The following SLC35F3 variants were observed in gnomAD, a reference collection of about 807,000 sequenced individuals.
The protein encoded by SLC35F3 is putative thiamine transporter SLC35F3.
Under a neutral mutation model 49.9 loss-of-function variants are expected in SLC35F3, and 25 were observed. The ratio of observed to expected loss-of-function variants is 0.50; its 90% CI spans 0.37 to 0.70. The LOEUF (loss-of-function observed/expected upper bound fraction) is 0.70. Ranked by LOEUF, SLC35F3 falls within the 30% of genes least tolerant of loss-of-function variation. The pLI, the probability that SLC35F3 is intolerant of heterozygous loss-of-function variation, is 0.00. For missense variants in SLC35F3, 525 were observed against 639.8 expected (o/e 0.82, Z 1.94); for synonymous variants, 275 against 265.4 (o/e 1.04, Z -0.35).
intron 2 of SLC35F3, among the ~76,000 whole-genome samples, chr1:233,915,192 A>T (rs555081167): frequency 6.6e-6 from 1 of 152,304 alleles, no homozygotes; most frequent in South Asian, 2.1e-4. Flanking sequence ...CCAGATCAGG[A>T]TCTATCAGGA....
At chr1:233,924,080 A>C (rs982712228) in intron 2 of SLC35F3, among the ~76,000 whole-genome samples, 52 of 152,328 alleles carry the variant, frequency 3.4e-4, no homozygotes, top group African/African-American at 1.0e-3. Flanking sequence ...ATCGTTGTTC[A>C]TCAGGAATAT....
intron 3 of SLC35F3, among the ~76,000 whole-genome samples, chr1:234,275,608 CACACACACACAAACAT>C (rs1449167029): frequency 1.3e-5 from 2 of 152,002 alleles, no homozygotes; most frequent in African/African-American, 4.8e-5. Flanking sequence ...GACAGACACA[CACACACACACAAACAT>C]ACACACACAA....
intron 3 of SLC35F3, among the ~76,000 whole-genome samples, chr1:234,296,128 G>A (rs993823719): frequency 4.6e-5 from 7 of 152,320 alleles, no homozygotes; most frequent in African/African-American, 1.7e-4. Flanking sequence ...GCTGAGCGCT[G>A]TTTCCCTCTG....
In SLC35F3 at chr1:234,261,254, A is replaced by G. The variant is rs185177626; in HGVS notation, c.608+29513A>G. Among the ~76,000 whole-genome samples the G allele has an allele frequency of 3.0e-3, 456 of 152,312 alleles. 3 individuals carry two copies. Among genetic ancestry groups the G allele is most frequent in the South Asian group, 5.2e-3 (25 of 4,826 alleles). ...AAGTTTATTAAGAAAGTAAAGGAAT[A>G]AAAGAACGGCCACTCCATAGGCAGA... On this transcript the variant is annotated intron_variant, in intron 3 of 7. Coordinates refer to ENST00000366618, the MANE Select transcript of SLC35F3 (RefSeq NM_173508.4).
At chr1:234,089,562 C>G (rs1665010192) in intron 2 of SLC35F3, among the ~76,000 whole-genome samples, 1 of 152,178 alleles carries the variant, frequency 6.6e-6, no homozygotes, top group African/African-American at 2.4e-5. Context: ...AGCTGCATTT[C>G]AGAAGGTTCG....
chr1:234,020,726 T>C (rs1234282953), intron 2 of SLC35F3, among the ~76,000 whole-genome samples: 1 of 152,174 alleles, frequency 6.6e-6, no homozygotes, highest in Non-Finnish European at 1.5e-5. Flanking sequence ...TATTTTTTTC[T>C]TCTGAATACA....
intron 4 of SLC35F3, among the ~76,000 whole-genome samples, chr1:234,310,140 A>T (rs999318728): frequency 3.3e-5 from 5 of 152,228 alleles, no homozygotes; most frequent in Non-Finnish European, 7.3e-5. Context: ...TGTGGCCAGG[A>T]GCTGTCACTG....
At chr1:233,979,072 A>G (rs1484735241) in intron 2 of SLC35F3, among the ~76,000 whole-genome samples, 3 of 151,832 alleles carry the variant, frequency 2.0e-5, no homozygotes, top group African/African-American at 7.3e-5. Flanking sequence ...AAAACAAAAC[A>G]AAAAAACAAA....
chr1:233,951,967 G>A (rs1662614691), intron 2 of SLC35F3, among the ~76,000 whole-genome samples: 2 of 151,398 alleles, frequency 1.3e-5, no homozygotes, highest in African/African-American at 4.9e-5. Flanking sequence ...ATATATGTTG[G>A]TTCTCCTTTG....
chr1:234,290,205 C>T (rs926459933), intron 3 of SLC35F3, among the ~76,000 whole-genome samples: 3 of 151,916 alleles, frequency 2.0e-5, no homozygotes, highest in Non-Finnish European at 4.4e-5. Flanking sequence ...TGACAAGACA[C>T]AATGGAATGT....
At chr1:234,125,676 C>T (rs1665635951) in intron 2 of SLC35F3, among the ~76,000 whole-genome samples, 1 of 152,172 alleles carries the variant, frequency 6.6e-6, no homozygotes, top group African/African-American at 2.4e-5. Context: ...TTCTAGAATG[C>T]CAACAAAGTT....
intron 2 of SLC35F3, among the ~76,000 whole-genome samples, chr1:234,114,496 G>A (rs1364250013): frequency 1.3e-5 from 2 of 152,220 alleles, no homozygotes; most frequent in East Asian, 1.9e-4. Context: ...TTTGAAGGGA[G>A]AATTGCAGAA....
chr1:234,064,110 G>C (rs1664582693), intron 2 of SLC35F3, among the ~76,000 whole-genome samples: 1 of 152,150 alleles, frequency 6.6e-6, no homozygotes, highest in South Asian at 2.1e-4. Context: ...TGGATTTTTT[G>C]GTGGGGGGGA....
At chr1:234,072,256 C>T (rs922187295) in intron 2 of SLC35F3, among the ~76,000 whole-genome samples, 1 of 152,218 alleles carries the variant, frequency 6.6e-6, no homozygotes, top group African/African-American at 2.4e-5. Context: ...AAGAAGGTTG[C>T]ACTTAATAAA....
chr1:234,151,660 G>A (rs893826901), intron 2 of SLC35F3, among the ~76,000 whole-genome samples: 3 of 152,026 alleles, frequency 2.0e-5, no homozygotes, highest in African/African-American at 4.8e-5. Context: ...ACGTAGCGTC[G>A]TGCCTTAAGA....
intron 2 of SLC35F3, among the ~76,000 whole-genome samples, chr1:233,963,555 C>T (rs1487251893): frequency 2.0e-5 from 3 of 152,106 alleles, no homozygotes; most frequent in Non-Finnish European, 4.4e-5. Context: ...CCCACCTCGG[C>T]CTCCCAAAGT....
intron 2 of SLC35F3, among the ~76,000 whole-genome samples, chr1:233,984,292 ACTGGGGTC>A (rs1414628423): frequency 6.6e-6 from 1 of 152,216 alleles, no homozygotes; most frequent in Non-Finnish European, 1.5e-5. Context: ...ATAGAACTGA[ACTGGGGTC>A]CACTACTCCA....
At chr1:233,987,525 T>G (rs1018537025) in intron 2 of SLC35F3, among the ~76,000 whole-genome samples, 3 of 151,064 alleles carry the variant, frequency 2.0e-5, no homozygotes, top group Non-Finnish European at 4.4e-5. Flanking sequence ...TATTTTGATC[T>G]ATCTTTTCTC....
chr1:234,282,230 C>T lies in SLC35F3; in HGVS notation c.609-26871C>T, dbSNP rs372761301. 1.5e-3 allele frequency among the ~76,000 whole-genome samples: 226 copies of T among 152,338 alleles called. 3 individuals are homozygous for T. In the South Asian group the frequency reaches 0.044, roughly 30 times the overall value. ...AAATAAGTGCAGCGGACCCACCAGG[C>T]TGATACTCAGTCTCTATTGCCAGCC... On this transcript the variant is annotated intron_variant, in intron 3 of 7. Coordinates refer to ENST00000366618, the MANE Select transcript of SLC35F3 (RefSeq NM_173508.4).
Sources: gnomAD v4.1 joint callset for allele counts (sites outside exome capture counted in the v4.1 genomes callset) on GRCh38, gnomAD v4.1.1 for gene constraint, MANE v1.5 for transcripts, NCBI Gene and HGNC (gene_info 2026-07-23, HGNC 2026-07-21) for gene names.